Variants in LYPD8 observed in about 807,000 individuals in gnomAD.
LYPD8 encodes the protein ly6/PLAUR domain-containing protein 8.
LYPD8 carries 8 observed loss-of-function variants against 1.7 expected under a neutral mutation model. The observed-to-expected ratio is 4.58, with a 90% CI of 2.69 to 8.27. The LOEUF is 8.27. LYPD8 is among the 30% of genes most tolerant of loss of function. LYPD8 has a pLI of 0.00. For missense variants in LYPD8, 112 were observed against 102.3 expected (o/e 1.09, Z -0.41); for synonymous variants, 50 against 43.6 (o/e 1.15, Z -0.58).
chr1:248,740,860 G>A (rs531736341), intron 6 of LYPD8, among the ~76,000 whole-genome samples: 28 of 150,722 alleles, frequency 1.9e-4, no homozygotes, highest in Non-Finnish European at 4.0e-4. Flanking sequence ...AGGACCAGGT[G>A]TCTCACGCCT....
Position 248,748,281 on chromosome 1 carries a change from G to GCACC in LYPD8, c.337+4_337+7dup. 2.2e-6 allele frequency: 1 copy of GCACC among 464,072 alleles called. No individual in the cohort carries two copies. Among genetic ancestry groups the GCACC allele is most frequent in the Non-Finnish European group, 3.8e-6 (1 of 265,508 alleles). The allele number at this position is 464,072 out of a possible 1,614,324, so 28.7% of individuals were successfully genotyped here. On this transcript the variant is annotated splice_region_variant and intron_variant, in intron 5 of 6. Transcript: ENST00000590317. The stretch of plus-strand genomic sequence containing the variant: ...ACCCAGGGCATCGCCCGCACGGCCA[G>GCACC]CACCCACCCAGGGCATCGCTGGTGT...
intron 2 of LYPD8, among the ~76,000 whole-genome samples, chr1:248,752,650 CA>C (rs1558208597): frequency 0.035 from 2,206 of 63,676 alleles, no homozygotes; most frequent in African/African-American, 0.081. Flanking sequence ...ACACAACACA[CA>C]ACACACACCA....
At chr1:248,753,566 A>ACAC (rs1662870807) in intron 2 of LYPD8, among the ~76,000 whole-genome samples, 1 of 114,238 alleles carries the variant, frequency 8.8e-6, no homozygotes, top group Non-Finnish European at 1.8e-5. Flanking sequence ...TCACACACAC[A>ACAC]ACACACACCC....
chr1:248,754,424 C>T (rs1662891507), intron 2 of LYPD8, among the ~76,000 whole-genome samples: 1 of 151,392 alleles, frequency 6.6e-6, no homozygotes, highest in Admixed American at 6.6e-5. Context: ...ACACACAATA[C>T]ACCACACACC....
At chr1:248,754,705 G>A (rs918169622) in intron 2 of LYPD8, among the ~76,000 whole-genome samples, 15 of 152,120 alleles carry the variant, frequency 9.9e-5, no homozygotes, top group African/African-American at 1.7e-4. Flanking sequence ...GAAACCAGTC[G>A]GTCTGGGAGA....
At chr1:248,750,878 C>T (rs942662650) in intron 3 of LYPD8, among the ~76,000 whole-genome samples, 152 bp downstream of exon 3, 1 of 152,156 alleles carries the variant, frequency 6.6e-6, no homozygotes, top group Non-Finnish European at 1.5e-5. Context: ...TACAGAGTGG[C>T]CCCTTCAAAG....
intron 2 of LYPD8, among the ~76,000 whole-genome samples, chr1:248,752,594 CACCCCACACACCCCACACACAT>C (rs1662818250): frequency 7.3e-6 from 1 of 136,758 alleles, no homozygotes; most frequent in African/African-American, 2.6e-5. Flanking sequence ...ACACACCACA[CACCCCACACACCCCACACACAT>C]CACACACACA....
chr1:248,739,483 C>A lies in LYPD8; in HGVS notation c.*128G>T. 3.8e-6 allele frequency: 5 copies of A among 1,307,850 alleles called. No homozygotes were observed. In the South Asian group the frequency reaches 7.1e-5, roughly 19 times the overall value. 81.0% of individuals were successfully genotyped at this position (1,307,850 alleles called of 1,614,324 possible). ...GCAGCTGTCGGCATTGCCTGGAGACCTGTGACTCCCACTTACTGGGCAGTT... is the reference window on the plus strand; with the variant it reads ...GCAGCTGTCGGCATTGCCTGGAGACATGTGACTCCCACTTACTGGGCAGTT... On this transcript the variant is annotated 3_prime_UTR_variant, in exon 7 of 7. Transcript: ENST00000590317. This position sits in a 1 kb window ranked among gnomAD's most constrained non-coding sequence, Gnocchi z 4.3.
intron 2 of LYPD8, among the ~76,000 whole-genome samples, chr1:248,753,952 TCA>T (rs1479816881): frequency 5.7e-5 from 6 of 106,188 alleles, no homozygotes; most frequent in Admixed American, 3.5e-4. Context: ...ACATCACATG[TCA>T]CACACATCAC....
Position 248,739,950 on chromosome 1 carries a change from C to T in LYPD8, c.476-101G>A. ...ACCTGCAGCACGGTGGCCCGGTGAC[C>T]AGCAAGAGCTGGTGTGCTCCTGAAG... On this transcript the variant is annotated intron_variant, in intron 6 of 6. Coordinates refer to ENST00000590317, the MANE Select transcript of LYPD8 (RefSeq NM_001085474.2). The surrounding 1 kb of genome is among the most constrained non-coding windows in gnomAD (Gnocchi z 4.3). 1 of 1,467,868 alleles carries T rather than the reference C, an allele frequency of 6.8e-7. No individual in the cohort carries two copies. The highest frequency in any genetic ancestry group is 9.2e-7 in the Non-Finnish European group (1 of 1,092,224). The allele number at this position is 1,467,868 out of a possible 1,614,324, so 90.9% of individuals were successfully genotyped here. A position where few individuals can be genotyped will look rare whatever the true frequency, so the allele number is the denominator to read the frequency against.
intron 6 of LYPD8, 136 bp downstream of exon 6, chr1:248,745,006 T>G (rs1662706209): frequency 2.6e-6 from 1 of 390,014 alleles, no homozygotes; most frequent in Non-Finnish European, 4.5e-6. Flanking sequence ...GCCACTGTAT[T>G]TAAAGACATT....
At chr1:248,751,159 G>C in intron 2 of LYPD8, 29 bp from the exon 3 acceptor site, 1 of 398,420 alleles carries the variant, frequency 2.5e-6, no homozygotes, top group Non-Finnish European at 4.4e-6. Context: ...GGCAGCCCCG[G>C]GGCCTTGGAG....
intron 6 of LYPD8, among the ~76,000 whole-genome samples, chr1:248,742,775 C>T (rs1413470621): frequency 4.8e-5 from 4 of 83,804 alleles, no homozygotes; most frequent in African/African-American, 6.4e-5. Flanking sequence ...ATGTTGGCAG[C>T]GGGGGAGGTT....
Position 248,739,674 on chromosome 1 carries a change from G to A in LYPD8, c.651C>T (p.Gly217=), listed in dbSNP as rs1662550247. The part of the protein sequence containing the change: ...TSAPTTSHNV[G]SKASLYLLAL... ...CCAAGAGGTAGAGGGAAGCTTTGGA[G>A]CCCACGTTGTGGGAAGTGGTTGGTG... Residue 217 remains glycine (G), a synonymous_variant, in exon 7 of 7, where the codon GGC becomes GGT. Coordinates refer to ENST00000590317, the MANE Select transcript of LYPD8 (RefSeq NM_001085474.2). This position sits in a 1 kb window ranked among gnomAD's most constrained non-coding sequence, Gnocchi z 4.3. The A allele has an allele frequency of 7.7e-6, 12 of 1,551,760 alleles. No individual in the cohort carries two copies. The highest frequency in any genetic ancestry group is 1.0e-5 in the Non-Finnish European group (12 of 1,146,988).
intron 2 of LYPD8, among the ~76,000 whole-genome samples, chr1:248,753,046 A>ATC (rs1662845970): frequency 1.4e-4 from 10 of 71,460 alleles, no homozygotes; most frequent in Non-Finnish European, 2.1e-4. Context: ...CCACACACAC[A>ATC]TCACACACAC....
At chr1:248,751,884 G>C (rs970660753) in intron 2 of LYPD8, among the ~76,000 whole-genome samples, 11,929 of 152,146 alleles carry the variant, frequency 0.078, 744 homozygotes, top group East Asian at 0.25. Context: ...TGTCACCAAT[G>C]TCTCTGCACC....
chr1:248,748,766 A>G (rs1424443167), intron 4 of LYPD8, among the ~76,000 whole-genome samples: 1 of 152,228 alleles, frequency 6.6e-6, no homozygotes, highest in Non-Finnish European at 1.5e-5. Context: ...AGCTGTAAAA[A>G]TGATCAAACA....
chr1:248,746,655 G>T (rs1158636382), intron 5 of LYPD8, among the ~76,000 whole-genome samples: 1 of 63,628 alleles, frequency 1.6e-5, no homozygotes, highest in African/African-American at 6.3e-5. Context: ...TCGCCCGCAC[G>T]GCCAGCACCC....
intron 5 of LYPD8, among the ~76,000 whole-genome samples, chr1:248,746,282 C>A (rs879019411): frequency 0.11 from 16,122 of 152,158 alleles, 1,231 homozygotes; most frequent in East Asian, 0.31. Context: ...TAACAGAGGG[C>A]CTGAGATCAC....
Sources: allele counts gnomAD v4.1 joint callset (sites outside exome capture counted in the v4.1 genomes callset), GRCh38; gene constraint gnomAD v4.1.1; non-coding constraint Gnocchi (gnomAD v3.1); transcripts MANE v1.5; gene names NCBI Gene and HGNC (gene_info 2026-07-23, HGNC 2026-07-21).